Variants in AGGF1 observed in about 807,000 individuals in gnomAD.
AGGF1 encodes angiogenic factor with G patch and FHA domains 1.
AGGF1 carries 56 observed loss-of-function variants against 86.5 expected under a neutral mutation model. That is an observed-to-expected ratio of 0.65 (90% CI 0.52 to 0.81). The LOEUF (loss-of-function observed/expected upper bound fraction) is 0.81, where lower values mean the gene tolerates loss of function less well. Among genes scored for constraint, AGGF1 ranks in the 30% least tolerant of loss-of-function variants. The probability of loss-of-function intolerance (pLI) is 0.00; values close to 1 mark genes in which losing one functional copy is unlikely to be tolerated. For missense variants in AGGF1, 816 were observed against 850.9 expected (o/e 0.96, Z 0.51); for synonymous variants, 313 against 297.1 (o/e 1.05, Z -0.55).
At chr5:77,043,999 G>T (rs1293806053) in intron 5 of AGGF1, among the ~76,000 whole-genome samples, 1 of 123,528 alleles carries the variant, frequency 8.1e-6, no homozygotes, top group Non-Finnish European at 1.7e-5. Context: ...GGGCAGAGAC[G>T]CTCCTCACTT....
chr5:77,036,289 G>C (rs1399234018), intron 3 of AGGF1, among the ~76,000 whole-genome samples: 1 of 152,052 alleles, frequency 6.6e-6, no homozygotes, highest in Non-Finnish European at 1.5e-5. Flanking sequence ...TCTGTATTTT[G>C]TGGATGGCTT....
intron 5 of AGGF1, 74 bp downstream of exon 5, chr5:77,039,793 CTG>C: frequency 7.5e-7 from 1 of 1,326,072 alleles, no homozygotes; most frequent in South Asian, 1.3e-5. Context: ...TTTTATGAAA[CTG>C]ACAATCATTC....
intron 1 of AGGF1, among the ~76,000 whole-genome samples, chr5:77,031,464 T>C (rs1746851868): frequency 6.6e-6 from 1 of 152,232 alleles, no homozygotes; most frequent in Non-Finnish European, 1.5e-5. Context: ...TTAAGGTTGC[T>C]CTTCTGGGCG....
chr5:77,055,456 A>T, intron 10 of AGGF1, 58 bp from the exon 11 acceptor site: 2 of 1,137,168 alleles, frequency 1.8e-6, no homozygotes, highest in Non-Finnish European at 2.6e-6. Context: ...CATTAGTTTT[A>T]ATTTTGTACA....
chr5:77,032,362 T>C (rs981170820), intron 1 of AGGF1, among the ~76,000 whole-genome samples: 21 of 149,948 alleles, frequency 1.4e-4, no homozygotes, highest in African/African-American at 4.4e-4. Flanking sequence ...GGTCAGAAGA[T>C]CGAGACCATC....
At chr5:77,035,220 G>A (rs1324534626) in intron 2 of AGGF1, among the ~76,000 whole-genome samples, 1 of 152,032 alleles carries the variant, frequency 6.6e-6, no homozygotes, top group Non-Finnish European at 1.5e-5. Context: ...GAAGTTAAGA[G>A]TTAAGTTTTT....
chr5:77,064,761 G>A lies in AGGF1; in HGVS notation c.*1509G>A, dbSNP rs957338806. ...GTATTAGTCTAAATGTGGTTCTGGT[G>A]CTGGTGCCCTGTATATATGTAACAA... On this transcript the variant is annotated 3_prime_UTR_variant, in exon 14 of 14. Coordinates refer to ENST00000312916, the MANE Select transcript of AGGF1 (RefSeq NM_018046.5). 1 of 152,200 alleles carries A rather than the reference G, an allele frequency of 6.6e-6. No individual in the cohort carries two copies. Among genetic ancestry groups the A allele is most frequent in the Non-Finnish European group, 1.5e-5 (1 of 68,050 alleles). 9.4% of individuals were successfully genotyped at this position (152,200 alleles called of 1,614,324 possible). A position where few individuals can be genotyped will look rare whatever the true frequency, so the allele number is the denominator to read the frequency against.
In AGGF1 at chr5:77,063,107, C is replaced by T. The variant is rs909784085; in HGVS notation, c.2000C>T (p.Ser667Leu). The T allele has an allele frequency of 5.0e-6, 8 of 1,614,034 alleles. No individual in the cohort carries two copies. Among genetic ancestry groups the T allele is most frequent in the Non-Finnish European group, 6.8e-6 (8 of 1,179,988 alleles). Residue 667 changes from serine to leucine, a missense_variant, in exon 14 of 14, where the codon TCA becomes TTA. By Grantham distance (145) the Ser-to-Leu change is moderately radical (BLOSUM62 -2). Around this residue, in one of 3 missense-constraint regions of AGGF1, gnomAD observed 565 missense variants for 585.8 expected, o/e 0.96. Coordinates refer to ENST00000312916, the MANE Select transcript of AGGF1 (RefSeq NM_018046.5). The stretch of plus-strand genomic sequence containing the variant: ...GGCTTGGGGACAGGCAAACCATCCT[C>T]ATTTGAAGATGTTCACCTTCTCCAA... ...HAGLGTGKPS[S>L]FEDVHLLQNK...
chr5:77,041,395 C>T (rs1204031598), intron 5 of AGGF1, among the ~76,000 whole-genome samples: 1 of 151,722 alleles, frequency 6.6e-6, no homozygotes, highest in Non-Finnish European at 1.5e-5. Flanking sequence ...GGTGAATCCC[C>T]GTCTCTACTA....
In AGGF1 at chr5:77,030,979, G is replaced by A. The variant is rs546658883; in HGVS notation, c.210+3G>A. On this transcript the variant is annotated splice_donor_region_variant and intron_variant, in intron 1 of 13. Coordinates refer to ENST00000312916, the MANE Select transcript of AGGF1 (RefSeq NM_018046.5). ...ACAACCAGGAGCTCCGCACGCAGGT[G>A]CGCGGTCCTCCTCAGCCCCGCGCCC... The A allele has an allele frequency of 6.8e-6, 11 of 1,611,648 alleles. No individual in the cohort carries two copies. The South Asian group carries it at 1.1e-4, about 16-fold the overall frequency.
Position 77,063,164 on chromosome 5 carries a change from GA to G in AGGF1, c.2058del (p.Glu687SerfsTer23). The G allele has an allele frequency of 4.3e-6, 7 of 1,613,920 alleles. No individual in the cohort carries two copies. Among genetic ancestry groups the G allele is most frequent in the Non-Finnish European group, 5.9e-6 (7 of 1,179,914 alleles). On this transcript the variant is annotated frameshift_variant, in exon 14 of 14. Coordinates refer to ENST00000312916, the MANE Select transcript of AGGF1 (RefSeq NM_018046.5). LOFTEE classifies it high-confidence loss of function. ...NKNKKNWDKA[R>X]ERFTENFPET... ...AACAAAAAAAACTGGGACAAAGCACGAGAGCGGTTTACTGAAAACTTCCCAG... is the reference window on the plus strand; with the variant it reads ...AACAAAAAAAACTGGGACAAAGCACGGAGCGGTTTACTGAAAACTTCCCAG...
chr5:77,061,141 A>G (rs1747557656), intron 12 of AGGF1, among the ~76,000 whole-genome samples: 1 of 152,244 alleles, frequency 6.6e-6, no homozygotes, highest in African/African-American at 2.4e-5. Context: ...CATAAGATTA[A>G]CATATTGCAG....
chr5:77,041,792 TATTTA>T lies in AGGF1; in HGVS notation c.870+2074_870+2078del, dbSNP rs1561285622. 1.6e-3 allele frequency among the ~76,000 whole-genome samples: 203 copies of T among 127,876 alleles called. 3 individuals carry two copies. The highest frequency in any genetic ancestry group is 4.0e-3 in the African/African-American group (141 of 35,548). 83.9% of individuals were successfully genotyped at this position (127,876 alleles called of 152,430 possible). On this transcript the variant is annotated intron_variant, in intron 5 of 13. Coordinates refer to ENST00000312916, the MANE Select transcript of AGGF1 (RefSeq NM_018046.5). Reference sequence around the variant, plus strand: ...TTCCAAGACAAGAACTTTTTTTATTTATTTATTTATTTATTTATTTATTTTTAATT... The same window carrying T: ...TTCCAAGACAAGAACTTTTTTTATTTTTTATTTATTTATTTATTTTTAATT...
At chr5:77,056,359 G>C (rs1219999286) in intron 11 of AGGF1, among the ~76,000 whole-genome samples, 1 of 150,646 alleles carries the variant, frequency 6.6e-6, no homozygotes, top group African/African-American at 2.4e-5. Context: ...CTGACAAGCA[G>C]CTGTGATTGC....
At position 77,046,498 on chromosome 5, in the gene AGGF1, C is replaced by G. The variant is rs147788389; in HGVS notation, c.1022C>G (p.Thr341Ser). 6.2e-7 allele frequency: 1 copy of G among 1,614,028 alleles called. No homozygotes were observed. Among genetic ancestry groups the G allele is most frequent in the South Asian group, 1.1e-5 (1 of 91,082 alleles). ...PKVTVPTSGNTIESPLHENIS... is the reference protein window; with the variant it reads ...PKVTVPTSGNSIESPLHENIS... The stretch of plus-strand genomic sequence containing the variant: ...GTCACTGTTCCAACTAGTGGAAATA[C>G]TATAGAGTCTCCTCTTCATGAAAAC... The change falls in exon 6 of 14, where the codon ACT becomes AGT. Residue 341 changes from threonine to serine, a missense_variant. Thr to Ser is a moderately conservative substitution (Grantham distance 58). Transcript: ENST00000312916.
Position 77,046,331 on chromosome 5 carries a change from A to G in AGGF1, c.871-16A>G, listed in dbSNP as rs1747247651. On this transcript the variant is annotated splice_polypyrimidine_tract_variant and intron_variant, in intron 5 of 13. Coordinates refer to ENST00000312916, the MANE Select transcript of AGGF1 (RefSeq NM_018046.5). ...TATTCTCCCCTGTTCCCTCGTATCT[A>G]CCCACCCTTCTCCAGGATTTGAACT... 1 of 1,600,676 alleles carries G rather than the reference A, an allele frequency of 6.2e-7. No homozygotes were observed. The highest frequency in any genetic ancestry group is 1.7e-5 in the Admixed American group (1 of 59,984).
In AGGF1 at chr5:77,046,434, G is replaced by A; in HGVS notation, c.958G>A (p.Ala320Thr). Residue 320 changes from alanine to threonine, a missense_variant, in exon 6 of 14, where the codon GCC (alanine) becomes ACC (threonine). Coordinates refer to ENST00000312916, the MANE Select transcript of AGGF1 (RefSeq NM_018046.5). ...AAATTTCGCAAATATGAAAAAGAAG[G>A]CCAAAATAGGCATTCATCACAAAAA... ...EENFANMKKKAKIGIHHKNSP... is the reference protein window; with the variant it reads ...EENFANMKKKTKIGIHHKNSP... The A allele has an allele frequency of 6.2e-7, 1 of 1,613,900 alleles. No homozygotes were observed. The highest frequency in any genetic ancestry group is 8.5e-7 in the Non-Finnish European group (1 of 1,179,950).
intron 8 of AGGF1, among the ~76,000 whole-genome samples, chr5:77,052,363 G>GTTTT (rs1277887969): frequency 6.6e-6 from 1 of 150,852 alleles, no homozygotes; most frequent in African/African-American, 2.4e-5. Context: ...AAAAAAAAAA[G>GTTTT]TTTTTGATGA....
chr5:77,036,464 C>A, intron 3 of AGGF1, 92 bp from the exon 4 acceptor site: 2 of 1,323,264 alleles, frequency 1.5e-6, no homozygotes, highest in Non-Finnish European at 2.2e-6. Flanking sequence ...GAAGTCGTTA[C>A]TTAAACATAG....
Sources: gnomAD v4.1 joint callset for allele counts (sites outside exome capture counted in the v4.1 genomes callset) on GRCh38, gnomAD v4.1.1 for gene constraint, gnomAD v4.1.1 regional missense constraint, MANE v1.5 for transcripts, NCBI Gene and HGNC (gene_info 2026-07-23, HGNC 2026-07-21) for gene names.